Variants in MGAT4A observed in about 807,000 individuals in gnomAD.
MGAT4A encodes alpha-1,3-mannosyl-glycoprotein 4-beta-N-acetylglucosaminyltransferase A, also known as N-acetylglucosaminyltransferase IVa.
In MGAT4A, 33 loss-of-function variants were observed where a neutral mutation model predicts 74.1. The ratio of observed to expected loss-of-function variants is 0.45; its 90% CI spans 0.34 to 0.60. The LOEUF is 0.60. Ranked by LOEUF, MGAT4A falls within the 20% of genes least tolerant of loss-of-function variation. The pLI, the probability that MGAT4A is intolerant of heterozygous loss-of-function variation, is 0.02. For synonymous variants in MGAT4A, 198 were observed against 210.4 expected, an observed-to-expected ratio of 0.94 and a Z score of 0.51; for missense variants, 479 against 628.3, an observed-to-expected ratio of 0.76 and a Z score of 2.54.
intron 14 of MGAT4A, among the ~76,000 whole-genome samples, chr2:98,626,098 T>C (rs1014762978): frequency 2.0e-5 from 3 of 152,224 alleles, no homozygotes; most frequent in Non-Finnish European, 4.4e-5. Context: ...AACAAAAATA[T>C]ATTTGTTCTT....
In MGAT4A at chr2:98,678,397, G is replaced by C. The variant is rs1391609238; in HGVS notation, c.169C>G (p.Gln57Glu). The C allele has an allele frequency of 6.3e-7, 1 of 1,595,870 alleles. No homozygotes were observed. Among genetic ancestry groups the C allele is most frequent in the South Asian group, 1.1e-5 (1 of 88,574 alleles). ...RLRIAEHRIS[Q>E]RSSELNTIVQ... ...ATCGTATTTAATTCAGAAGAGCGCT[G>C]TGAGATTCTGTGTTCAGCTATTCGA... Residue 57 changes from glutamine (Q) to glutamate (E), a missense_variant, in exon 3 of 16, where the codon CAG (glutamine) becomes GAG (glutamate). Coordinates refer to ENST00000393487, the MANE Select transcript of MGAT4A (RefSeq NM_012214.3).
At position 98,625,084 on chromosome 2, in the gene MGAT4A, CA is replaced by C. The variant is rs1384830189; in HGVS notation, c.*481del. The C allele has an allele frequency of 1.0e-6, 1 of 966,462 alleles. No individual in the cohort carries two copies. The highest frequency in any genetic ancestry group is 1.8e-5 in the African/African-American group (1 of 56,646). 59.9% of individuals were successfully genotyped at this position (966,462 alleles called of 1,614,324 possible). On this transcript the variant is annotated 3_prime_UTR_variant, in exon 16 of 16. Coordinates refer to ENST00000393487, the MANE Select transcript of MGAT4A (RefSeq NM_012214.3). ...AGTATCGATTCAAAAATCTACTGCA[CA>C]AAAATATGTACTTCTTAAGTGTTTC... is the stretch of plus-strand genomic sequence containing the variant.
intron 5 of MGAT4A, among the ~76,000 whole-genome samples, chr2:98,659,528 G>A (rs964380855): frequency 1.3e-5 from 2 of 152,108 alleles, no homozygotes; most frequent in African/African-American, 4.8e-5. Flanking sequence ...GTCTCATCTC[G>A]AATTGTAGCT....
rs894628629 is a variant in MGAT4A at position 98,641,949 on chromosome 2, T to C, written c.1021-1721A>G. Reference sequence around the variant, plus strand: ...GGCAGAGGCTACAGTGGGCTGAGACTGCGCCATTGCACTCCAGTCTGGGTG... The same window carrying C: ...GGCAGAGGCTACAGTGGGCTGAGACCGCGCCATTGCACTCCAGTCTGGGTG... On this transcript the variant is annotated intron_variant, in intron 10 of 15. Transcript: ENST00000393487. 1.1e-4 allele frequency among the ~76,000 whole-genome samples: 16 copies of C among 148,714 alleles called. No homozygotes were observed. In the South Asian group the frequency reaches 2.5e-3, roughly 24 times the overall value.
intron 9 of MGAT4A, among the ~76,000 whole-genome samples, chr2:98,644,835 T>C (rs1398376291): frequency 6.6e-6 from 1 of 152,178 alleles, no homozygotes; most frequent in Non-Finnish European, 1.5e-5. Flanking sequence ...GGTTTCACCA[T>C]GTTGGCCAGA....
intron 2 of MGAT4A, among the ~76,000 whole-genome samples, chr2:98,684,941 T>C (rs973215422): frequency 6.6e-6 from 1 of 152,116 alleles, no homozygotes; most frequent in African/African-American, 2.4e-5. Context: ...AAAAAAATGT[T>C]GATAAGTCCT....
intron 5 of MGAT4A, among the ~76,000 whole-genome samples, chr2:98,660,843 C>T (rs766530408): frequency 2.6e-5 from 4 of 152,150 alleles, no homozygotes; most frequent in African/African-American, 4.8e-5. Context: ...AAAAACTACA[C>T]GACATTGGCC....
chr2:98,662,426 C>A (rs945337135), intron 5 of MGAT4A, among the ~76,000 whole-genome samples: 1 of 152,012 alleles, frequency 6.6e-6, no homozygotes, highest in Non-Finnish European at 1.5e-5. Flanking sequence ...TCATCAAGAC[C>A]ATTTTCATTT....
At position 98,619,135 on chromosome 2, in the gene MGAT4A, A is replaced by C. The variant is rs1701008305; in HGVS notation, c.*6431T>G. 6.6e-6 allele frequency: 1 copy of C among 152,660 alleles called. No individual in the cohort carries two copies. The highest frequency in any genetic ancestry group is 1.5e-5 in the Non-Finnish European group (1 of 68,032). The allele number at this position is 152,660 out of a possible 1,614,324, so 9.5% of individuals were successfully genotyped here. A position where few individuals can be genotyped will look rare whatever the true frequency, so the allele number is the denominator to read the frequency against. On this transcript the variant is annotated 3_prime_UTR_variant, in exon 16 of 16. Transcript: ENST00000393487. ...GTTTCACCTATTTTTATTAGAAGGAATCTTGAATTCAACATGGCTTTTTAA... is the reference window on the plus strand; with the variant it reads ...GTTTCACCTATTTTTATTAGAAGGACTCTTGAATTCAACATGGCTTTTTAA...
intron 10 of MGAT4A, among the ~76,000 whole-genome samples, chr2:98,642,484 C>T (rs1159340182): frequency 1.3e-5 from 2 of 152,162 alleles, no homozygotes; most frequent in Non-Finnish European, 2.9e-5. Context: ...TGGATGAAAT[C>T]GTCCAAAAGT....
Position 98,621,453 on chromosome 2 carries a change from G to A in MGAT4A, c.*4113C>T. The A allele has an allele frequency of 6.4e-7, 1 of 1,551,594 alleles. No individual in the cohort carries two copies. The highest frequency in any genetic ancestry group is 8.7e-7 in the Non-Finnish European group (1 of 1,146,958). On this transcript the variant is annotated 3_prime_UTR_variant, in exon 16 of 16. Coordinates refer to ENST00000393487, the MANE Select transcript of MGAT4A (RefSeq NM_012214.3). The stretch of plus-strand genomic sequence containing the variant: ...ACCTTAAAACAGCAATGGTGCCTGA[G>A]GTCCTTCTGCTTTGTCTCTTGACTT...
intron 2 of MGAT4A, among the ~76,000 whole-genome samples, chr2:98,701,625 C>T (rs964779383): frequency 2.0e-5 from 3 of 152,116 alleles, no homozygotes; most frequent in Non-Finnish European, 4.4e-5. Context: ...GGATGCTAGC[C>T]AACTAAGCTG....
intron 6 of MGAT4A, 50 bp from the exon 7 acceptor site, chr2:98,656,515 T>G (rs965260175): frequency 4.7e-6 from 6 of 1,272,538 alleles, no homozygotes; most frequent in Non-Finnish European, 6.8e-6. Flanking sequence ...GGATTTTATT[T>G]ATCTTAAAGC....
At chr2:98,644,180 A>C in intron 9 of MGAT4A, 127 bp from the exon 10 acceptor site, 2 of 967,658 alleles carry the variant, frequency 2.1e-6, no homozygotes, top group East Asian at 2.8e-5. Context: ...ATCATAAACA[A>C]TTTCCCCACT....
intron 2 of MGAT4A, among the ~76,000 whole-genome samples, chr2:98,686,971 G>A (rs1314764660): frequency 6.6e-6 from 1 of 152,104 alleles, no homozygotes; most frequent in Non-Finnish European, 1.5e-5. Context: ...TTAGCTATAT[G>A]TTTATAACAG....
At chr2:98,667,301 C>A (rs1409767149) in intron 4 of MGAT4A, among the ~76,000 whole-genome samples, 1 of 152,072 alleles carries the variant, frequency 6.6e-6, no homozygotes, top group African/African-American at 2.4e-5. Flanking sequence ...TGGGGCACTG[C>A]CGAAAAGATA....
chr2:98,700,372 T>C (rs1024869405), intron 2 of MGAT4A, among the ~76,000 whole-genome samples: 1 of 148,870 alleles, frequency 6.7e-6, no homozygotes, highest in Non-Finnish European at 1.5e-5. Context: ...ATTTACTATA[T>C]ATGATATCAT....
intron 2 of MGAT4A, among the ~76,000 whole-genome samples, chr2:98,681,396 G>A (rs1702057784): frequency 6.6e-6 from 1 of 152,086 alleles, no homozygotes; most frequent in Non-Finnish European, 1.5e-5. Context: ...ATAATATGGG[G>A]GAACTTGCTC....
chr2:98,685,527 A>G (rs1225451408), intron 2 of MGAT4A, among the ~76,000 whole-genome samples: 1 of 152,164 alleles, frequency 6.6e-6, no homozygotes, highest in East Asian at 1.9e-4. Flanking sequence ...CCTCTTAAGC[A>G]TAAAGAAAAA....
Sources: gnomAD v4.1 joint callset for allele counts (sites outside exome capture counted in the v4.1 genomes callset) on GRCh38, gnomAD v4.1.1 for gene constraint, MANE v1.5 for transcripts, NCBI Gene and HGNC (gene_info 2026-07-23, HGNC 2026-07-21) for gene names.